RBFOX1: variants seen among roughly 807,000 people sequenced by gnomAD.
RBFOX1 encodes RNA binding fox-1 homolog 1, also known as RNA binding protein fox-1 homolog 1.
RBFOX1 carries 8 observed loss-of-function variants against 57.7 expected under a neutral mutation model. The ratio of observed to expected loss-of-function variants is 0.14; its 90% confidence interval spans 0.08 to 0.25. The LOEUF (loss-of-function observed/expected upper bound fraction) is 0.25. Ranked by LOEUF, RBFOX1 falls within the 10% of genes least tolerant of loss-of-function variation. The pLI, the probability that RBFOX1 is intolerant of heterozygous loss-of-function variation, is 1.00. For synonymous variants in RBFOX1, 326 were observed against 222.4 expected (o/e 1.47, Z -4.15); for missense variants, 611 against 548.5 (o/e 1.11, Z -1.14).
intron 3 of RBFOX1, among the ~76,000 whole-genome samples, chr16:6,677,935 A>G (rs1196099779): frequency 6.6e-6 from 1 of 152,232 alleles, no homozygotes; most frequent in South Asian, 2.1e-4. Flanking sequence ...AAGGAACCAT[A>G]AAGAACATCT....
At chr16:5,752,102 C>T (rs879759068) in intron 3 of RBFOX1, among the ~76,000 whole-genome samples, 26 of 152,106 alleles carry the variant, frequency 1.7e-4, no homozygotes, top group Admixed American at 6.6e-4. Flanking sequence ...AAAAAAAGAA[C>T]GAGATCATGT....
chr16:6,297,409 G>GTT (rs1351737458), intron 1 of RBFOX1, among the ~76,000 whole-genome samples: 5 of 141,670 alleles, frequency 3.5e-5, no homozygotes, highest in Non-Finnish European at 7.7e-5. Context: ...TGGATCTGCT[G>GTT]TTTCACTGTG....
chr16:6,650,582 A>G lies in RBFOX1; in HGVS notation c.-63-4021A>G, dbSNP rs374989686. ...AGACAGTACGAAAAACACCAAGCAC[A>G]GTTCCTGGCACGAAAGAGGTATTTA... On this transcript the variant is annotated intron_variant, in intron 2 of 15. Transcript: ENST00000550418. Among the ~76,000 whole-genome samples the G allele has an allele frequency of 1.2e-4, 18 of 152,338 alleles. No homozygotes were observed. The East Asian group carries it at 2.7e-3, about 23-fold the overall frequency.
rs76466640 is a variant in RBFOX1 at position 6,725,874 on chromosome 16, T to A, written c.-16+71224T>A. On this transcript the variant is annotated intron_variant, in intron 3 of 15. Coordinates refer to ENST00000550418, the MANE Select transcript of RBFOX1 (RefSeq NM_018723.4). ...TTTCCAGCAGTGTTTCTCATTTGATTTATCAGAGATGATACTTGGTAATTC... is the reference window on the plus strand; with the variant it reads ...TTTCCAGCAGTGTTTCTCATTTGATATATCAGAGATGATACTTGGTAATTC... Among the ~76,000 whole-genome samples, 899 of 152,302 alleles carry A rather than the reference T, an allele frequency of 5.9e-3. 7 individuals carry two copies. The highest frequency in any genetic ancestry group is 0.017 in the African/African-American group (705 of 41,558).
At chr16:6,912,796 T>C (rs184826984) in intron 3 of RBFOX1, among the ~76,000 whole-genome samples, 3 of 152,086 alleles carry the variant, frequency 2.0e-5, no homozygotes, top group African/African-American at 7.2e-5. Flanking sequence ...TAATTTTTTT[T>C]TTTAAGACAG....
intron 2 of RBFOX1, among the ~76,000 whole-genome samples, chr16:5,567,989 C>T (rs1395745932): frequency 1.3e-5 from 2 of 152,148 alleles, no homozygotes; most frequent in Non-Finnish European, 1.5e-5. Context: ...CTCTGAATTC[C>T]ACCATGAAAA....
intron 3 of RBFOX1, among the ~76,000 whole-genome samples, chr16:5,654,329 G>T (rs2049348237): frequency 6.6e-6 from 1 of 152,148 alleles, no homozygotes; most frequent in Non-Finnish European, 1.5e-5. Context: ...AATCCTGCAA[G>T]CCAGATGTTA....
rs532655096 is a variant in RBFOX1 at position 6,959,064 on chromosome 16, A to G, written c.-15-92993A>G. On this transcript the variant is annotated intron_variant, in intron 3 of 15. Transcript: ENST00000550418. Reference sequence around the variant, plus strand: ...AAAACTTCACCATCTAAGTAATATTATAGTTCTTAAGTGCATAAAGATAGG... The same window carrying G: ...AAAACTTCACCATCTAAGTAATATTGTAGTTCTTAAGTGCATAAAGATAGG... Among the ~76,000 whole-genome samples, 5 of 152,314 alleles carry G rather than the reference A, an allele frequency of 3.3e-5. No homozygotes were observed. In the East Asian group the frequency reaches 7.7e-4, roughly 24 times the overall value.
intron 4 of RBFOX1, among the ~76,000 whole-genome samples, chr16:7,442,848 GGACCT>G (rs777441866): frequency 1.7e-3 from 253 of 152,218 alleles, no homozygotes; most frequent in Middle Eastern, 6.8e-3. Context: ...TTCTGATTCA[GGACCT>G]GGCCTATGGC....
chr16:6,398,920 A>G (rs574502143), intron 2 of RBFOX1, among the ~76,000 whole-genome samples: 1 of 152,332 alleles, frequency 6.6e-6, no homozygotes, highest in South Asian at 2.1e-4. Flanking sequence ...TCCCTTCTGC[A>G]CTGTCCTAGC....
chr16:5,426,609 T>C (rs1255504334), intron 1 of RBFOX1, among the ~76,000 whole-genome samples: 1 of 152,196 alleles, frequency 6.6e-6, no homozygotes, highest in Non-Finnish European at 1.5e-5. Flanking sequence ...TGTTACCTGC[T>C]CAGCACTTAA....
At chr16:5,912,048 C>A (rs1434951714) in intron 4 of RBFOX1, among the ~76,000 whole-genome samples, 1 of 152,168 alleles carries the variant, frequency 6.6e-6, no homozygotes, top group Non-Finnish European at 1.5e-5. Context: ...TCCATCCTCA[C>A]CACTCCACCC....
chr16:5,842,524 G>T (rs555508038), intron 3 of RBFOX1, among the ~76,000 whole-genome samples: 1 of 152,158 alleles, frequency 6.6e-6, no homozygotes, highest in African/African-American at 2.4e-5. Context: ...CATGCTGCAG[G>T]TGTTCATTCA....
intron 3 of RBFOX1, among the ~76,000 whole-genome samples, chr16:6,843,121 T>C (rs750343034): frequency 4.6e-5 from 7 of 152,200 alleles, no homozygotes; most frequent in Non-Finnish European, 5.9e-5. Context: ...TTTCTTATTG[T>C]TGTTGTTTTC....
At chr16:5,527,183 C>T (rs1028971367) in intron 2 of RBFOX1, among the ~76,000 whole-genome samples, 1 of 152,180 alleles carries the variant, frequency 6.6e-6, no homozygotes, top group Admixed American at 6.5e-5. Flanking sequence ...CCTTTCCTCT[C>T]CTCTTTGATT....
At chr16:5,655,560 C>G (rs2049398840) in intron 3 of RBFOX1, among the ~76,000 whole-genome samples, 2 of 152,176 alleles carry the variant, frequency 1.3e-5, no homozygotes, top group African/African-American at 2.4e-5. Flanking sequence ...AAAGTGGGTT[C>G]TGCTACAACT....
At chr16:6,325,245 G>A (rs1429713998) in intron 2 of RBFOX1, among the ~76,000 whole-genome samples, 1 of 152,112 alleles carries the variant, frequency 6.6e-6, no homozygotes, top group Non-Finnish European at 1.5e-5. Flanking sequence ...TATGGTCCTA[G>A]CTACTTCAGA....
chr16:5,789,848 C>G (rs571030835), intron 3 of RBFOX1, among the ~76,000 whole-genome samples: 1 of 152,198 alleles, frequency 6.6e-6, no homozygotes, highest in Non-Finnish European at 1.5e-5. Context: ...TACACCATGA[C>G]TAGGTACGCA....
chr16:6,489,538 C>T (rs963730265), intron 2 of RBFOX1, among the ~76,000 whole-genome samples: 1 of 152,106 alleles, frequency 6.6e-6, no homozygotes, highest in African/African-American at 2.4e-5. Flanking sequence ...ACTCCAAAGT[C>T]TGTGTTCCTA....
Sources: allele counts gnomAD v4.1 joint callset (sites outside exome capture counted in the v4.1 genomes callset), GRCh38; gene constraint gnomAD v4.1.1; transcripts MANE v1.5; gene names NCBI Gene and HGNC (gene_info 2026-07-23, HGNC 2026-07-21).